Variants in APOL3 observed in about 807,000 individuals in gnomAD.
APOL3 encodes TNF-inducible protein CG12-1.
APOL3 carries 14 observed loss-of-function variants against 11.6 expected under a neutral mutation model. The ratio of observed to expected loss-of-function variants is 1.21; its 90% confidence interval spans 0.80 to 1.89. The LOEUF is 1.89. Among genes scored for constraint, APOL3 ranks in the 40% most tolerant of loss-of-function variants. The pLI is 0.00. For missense variants in APOL3, 483 were observed against 492.1 expected, an observed-to-expected ratio of 0.98 and a Z score of 0.17; for synonymous variants, 192 against 190.6, an observed-to-expected ratio of 1.01 and a Z score of -0.06.
chr22:36,150,026 G>A (rs866345147), intron 1 of APOL3: 8 of 397,812 alleles, frequency 2.0e-5, no homozygotes, highest in South Asian at 1.5e-4. Flanking sequence ...GCCCAGAGCT[G>A]GTCTCCAACT....
chr22:36,161,257 G>A (rs1285962615), upstream of APOL3, among the ~76,000 whole-genome samples: 2 of 152,120 alleles, frequency 1.3e-5, no homozygotes, highest in Non-Finnish European at 2.9e-5. Context: ...GGAGTGCGGT[G>A]GCACAATAAT....
upstream of APOL3, chr22:36,165,648 A>G (rs995230628): frequency 1.3e-5 from 2 of 152,130 alleles, no homozygotes; most frequent in Non-Finnish European, 2.9e-5. Flanking sequence ...TAAAACTCCA[A>G]ATGATTCTAC....
intron 1 of APOL3, among the ~76,000 whole-genome samples, chr22:36,157,985 G>A (rs1185456442): frequency 1.3e-5 from 2 of 152,168 alleles, no homozygotes; most frequent in South Asian, 2.1e-4. Flanking sequence ...CGGAGGTGGA[G>A]GTTGCAGTGA....
intron 1 of APOL3, among the ~76,000 whole-genome samples, chr22:36,157,494 A>G (rs1246467348): frequency 1.3e-5 from 2 of 152,234 alleles, no homozygotes; most frequent in Admixed American, 6.5e-5. Context: ...AGAAAGAAAA[A>G]ATTAAAACTA....
chr22:36,162,041 C>T (rs188468482), upstream of APOL3, among the ~76,000 whole-genome samples: 21 of 152,292 alleles, frequency 1.4e-4, no homozygotes, highest in East Asian at 4.1e-3. Flanking sequence ...TTACCCACAT[C>T]CCGCATTCAT....
exon 3 of APOL3, chr22:36,140,915 C>A (rs1280864160): frequency 1.7e-5 from 7 of 402,610 alleles, no homozygotes; most frequent in African/African-American, 4.1e-5. Flanking sequence ...ATTCCTCCCC[C>A]CAATATATTC....
At position 36,155,418 on chromosome 22, in the gene APOL3, T is replaced by C. The variant is rs2012606544; in HGVS notation, c.223+5251A>G. On this transcript the variant is annotated intron_variant, in intron 1 of 2. Transcript: ENST00000349314. ...CATCGAAAGCCTCTCACCTCCCTCT[T>C]CCTATTTCCTGCCTCTGTCTTAGGG... Among the ~76,000 whole-genome samples the C allele has an allele frequency of 2.0e-5, 3 of 152,246 alleles. No homozygotes were observed. In the South Asian group the frequency reaches 6.2e-4, roughly 32 times the overall value.
chr22:36,154,635 A>T (rs2012441395), intron 1 of APOL3: 1 of 470,952 alleles, frequency 2.1e-6, no homozygotes, highest in Non-Finnish European at 4.4e-6. Flanking sequence ...TCTCCTATGG[A>T]CAGAAATAAT....
chr22:36,162,142 T>A (rs1201578943), upstream of APOL3, among the ~76,000 whole-genome samples: 1 of 152,158 alleles, frequency 6.6e-6, no homozygotes, highest in East Asian at 1.9e-4. Flanking sequence ...CAACAGGCAG[T>A]TAAGTAGACA....
upstream of APOL3, among the ~76,000 whole-genome samples, chr22:36,163,211 C>T (rs904079692): frequency 6.6e-6 from 1 of 152,180 alleles, no homozygotes; most frequent in Non-Finnish European, 1.5e-5. Flanking sequence ...ACCCTCAACT[C>T]CCTTTAGACT....
intron 1 of APOL3, chr22:36,149,140 A>G (rs780719360): frequency 7.3e-7 from 1 of 1,366,372 alleles, no homozygotes; most frequent in East Asian, 4.6e-5. Flanking sequence ...TTTTTTCTTA[A>G]CCCTTGAGGA....
intron 1 of APOL3, among the ~76,000 whole-genome samples, chr22:36,154,796 T>C (rs560105934): frequency 1.3e-5 from 2 of 152,162 alleles, no homozygotes; most frequent in African/African-American, 2.4e-5. Flanking sequence ...CCTGGCTAAA[T>C]AGAATGCCTG....
At chr22:36,154,543 C>T (rs2012418981) in intron 1 of APOL3, 2 of 451,374 alleles carry the variant, frequency 4.4e-6, no homozygotes, top group Admixed American at 5.3e-5. Context: ...ATTTATGTTC[C>T]TGTTCGTAAG....
At chr22:36,141,715 C>G in exon 3 of APOL3, 1 of 1,613,994 alleles carries the variant, frequency 6.2e-7, no homozygotes, top group Non-Finnish European at 8.5e-7. Flanking sequence ...ATCCCAGTCA[C>G]AGCAGACGCT....
chr22:36,147,441 G>A (rs3788518), intron 1 of APOL3, among the ~76,000 whole-genome samples: 1 of 152,130 alleles, frequency 6.6e-6, no homozygotes, highest in African/African-American at 2.4e-5. Flanking sequence ...GTTTCGGAGA[G>A]AGAGTTTCTT....
intron 1 of APOL3, among the ~76,000 whole-genome samples, chr22:36,160,254 C>T (rs2013568596): frequency 6.6e-6 from 1 of 152,174 alleles, no homozygotes. Context: ...GGGCCAGCCT[C>T]AGGGTGGCCA....
At position 36,160,735 on chromosome 22, in the gene APOL3, C is replaced by CT. The variant is rs1569530040; in HGVS notation, c.156_157insA (p.Glu53ArgfsTer23). 6.2e-7 allele frequency: 1 copy of CT among 1,613,812 alleles called. No homozygotes were observed. ...GTTCTGAGCTGTGTGGATCCCACCT[C>CT]CAGCCGTGCATCTGCATAATAACCA... On this transcript the variant is annotated frameshift_variant, in exon 1 of 3. It introduces an in-frame stop codon into an upstream open reading frame of the 5' UTR. Transcript: ENST00000349314. LOFTEE classifies it high-confidence loss of function.
Position 36,141,029 on chromosome 22 carries a change from G to A in APOL3, c.*171C>T, listed in dbSNP as rs574573178. The A allele has an allele frequency of 1.0e-4, 94 of 907,590 alleles. 1 individual carries two copies. In the South Asian group the frequency reaches 1.5e-3, roughly 15 times the overall value. 56.2% of individuals were successfully genotyped at this position (907,590 alleles called of 1,614,324 possible). On this transcript the variant is annotated 3_prime_UTR_variant, in exon 3 of 3. Transcript: ENST00000349314. ...TTCCTGCCTTCTCCTTGGTGCACTT[G>A]CCATCTGCATTAACCCCTCCCCTGC...
At chr22:36,145,884 A>C (rs957114226) in intron 1 of APOL3, among the ~76,000 whole-genome samples, 2 of 152,078 alleles carry the variant, frequency 1.3e-5, no homozygotes, top group East Asian at 3.9e-4. Context: ...GTCTAGTTAA[A>C]AGAAAAAAAA....
Sources: allele counts gnomAD v4.1 joint callset (sites outside exome capture counted in the v4.1 genomes callset), GRCh38; gene constraint gnomAD v4.1.1; transcripts MANE v1.5; gene names NCBI Gene and HGNC (gene_info 2026-07-23, HGNC 2026-07-21).